TMC7: variants seen among roughly 807,000 people sequenced by gnomAD.
TMC7 encodes transmembrane channel-like protein 7.
TMC7 carries 54 observed loss-of-function variants against 82.9 expected under a neutral mutation model. The observed-to-expected ratio is 0.65, with a 90% CI of 0.52 to 0.82. TMC7 has a LOEUF of 0.82. Ranked by LOEUF, TMC7 falls within the 40% of genes least tolerant of loss-of-function variation. The probability of loss-of-function intolerance (pLI) is 0.00; values close to 1 mark genes in which losing one functional copy is unlikely to be tolerated. For synonymous variants in TMC7, 350 were observed against 337.9 expected, an observed-to-expected ratio of 1.04 and a Z score of -0.39; for missense variants, 820 against 901.2, an observed-to-expected ratio of 0.91 and a Z score of 1.15.
At chr16:19,054,344 G>A (rs1254369530) in intron 13 of TMC7, among the ~76,000 whole-genome samples, 1 of 152,054 alleles carries the variant, frequency 6.6e-6, no homozygotes, top group African/African-American at 2.4e-5. Flanking sequence ...GTCTCCCTCA[G>A]GACCTTTGGG....
Position 19,051,703 on chromosome 16 carries a change from C to A in TMC7, c.1758C>A (p.Thr586=), listed in dbSNP as rs1204520722. The change falls in exon 13 of 16, where the codon ACC becomes ACA. Residue 586 remains threonine, a synonymous_variant. Transcript: ENST00000304381. ...FYVKEWSLLY[T]CRPSPRPFRA... is the part of the protein sequence containing the mutation. ...CCTTGTAGTGGAGTCTGCTTTACAC[C>A]TGCAGACCCTCCCCCAGGCCGTTCA... is the stretch of plus-strand genomic sequence containing the variant. The A allele has an allele frequency of 1.2e-6, 2 of 1,613,776 alleles. No individual in the cohort carries two copies. The highest frequency in any genetic ancestry group is 3.3e-5 in the Admixed American group (2 of 59,932).
intron 15 of TMC7, 133 bp downstream of exon 15, chr16:19,059,627 C>T: frequency 1.9e-6 from 3 of 1,582,152 alleles, no homozygotes; most frequent in Non-Finnish European, 2.6e-6. Context: ...AAAACTCTGC[C>T]TTGAGGCCCA....
chr16:19,030,147 C>T, intron 5 of TMC7, 77 bp from the exon 6 acceptor site: 1 of 1,476,072 alleles, frequency 6.8e-7, no homozygotes. Flanking sequence ...ACTTGTGTTC[C>T]TTGAGGCAGG....
At chr16:18,984,746 T>C (rs757229077) in intron 1 of TMC7, among the ~76,000 whole-genome samples, 50 of 152,254 alleles carry the variant, frequency 3.3e-4, no homozygotes, top group Admixed American at 7.9e-4. Context: ...TAATCTTTTG[T>C]ATCGGGTAGA....
chr16:19,031,256 C>G (rs540543401), intron 6 of TMC7, among the ~76,000 whole-genome samples: 55 of 152,240 alleles, frequency 3.6e-4, no homozygotes, highest in African/African-American at 1.2e-3. Context: ...ATTCAGGTTC[C>G]CAGCCGTGAC....
intron 6 of TMC7, among the ~76,000 whole-genome samples, chr16:19,032,789 G>A (rs1005095005): frequency 1.3e-5 from 2 of 152,008 alleles, no homozygotes; most frequent in African/African-American, 4.8e-5. Context: ...CACCACGACT[G>A]GCTTAATTTT....
At position 19,053,378 on chromosome 16, in the gene TMC7, C is replaced by T. The variant is rs191634252; in HGVS notation, c.1871+1562C>T. 2.7e-5 allele frequency among the ~76,000 whole-genome samples: 4 copies of T among 149,828 alleles called. No homozygotes were observed. The East Asian group carries it at 7.8e-4, about 29-fold the overall frequency. On this transcript the variant is annotated intron_variant, in intron 13 of 15. Transcript: ENST00000304381. ...CCCATGTCCATGGACATACTAAACT[C>T]TTCTTTCAAAAATATTTTTAGCTTT... is the stretch of plus-strand genomic sequence containing the variant.
chr16:19,009,258 A>T lies in TMC7; in HGVS notation c.154A>T (p.Arg52Trp). The change falls in exon 2 of 16, where the codon AGG becomes TGG. Residue 52 changes from arginine to tryptophan, a missense_variant. Around this residue, in one of 2 missense-constraint regions of TMC7, gnomAD observed 650 missense variants for 669.9 expected, o/e 0.97. Transcript: ENST00000304381. ...ELPSYRSIAR[R>W]RTTVHSRDKQ... The stretch of plus-strand genomic sequence containing the variant: ...GCCAAGCTACCGGTCCATTGCACGT[A>T]GGAGAACGACTGTCCATTCCCGGGA... The T allele has an allele frequency of 6.2e-7, 1 of 1,614,204 alleles. No individual in the cohort carries two copies. The highest frequency in any genetic ancestry group is 8.5e-7 in the Non-Finnish European group (1 of 1,180,034).
chr16:18,998,177 T>C (rs1389301329), intron 1 of TMC7, among the ~76,000 whole-genome samples: 1 of 152,232 alleles, frequency 6.6e-6, no homozygotes, highest in Non-Finnish European at 1.5e-5. Flanking sequence ...AAACGTTTGC[T>C]GACGTCTGTT....
At chr16:19,028,676 GAC>G (rs1353036899) in intron 5 of TMC7, among the ~76,000 whole-genome samples, 3 of 151,524 alleles carry the variant, frequency 2.0e-5, no homozygotes, top group Non-Finnish European at 2.9e-5. Context: ...ATTATTTTGA[GAC>G]AGAGTCTCGC....
Position 19,040,460 on chromosome 16 carries a change from T to C in TMC7, c.1337+14T>C. 6.2e-7 allele frequency: 1 copy of C among 1,604,918 alleles called. No homozygotes were observed. The highest frequency in any genetic ancestry group is 8.5e-7 in the Non-Finnish European group (1 of 1,177,970). ...GACAATCCTTAGGTAATGCCTAACA[T>C]GAAGATGGCAGGCATGTCAAGCCAG... is the stretch of plus-strand genomic sequence containing the variant. On this transcript the variant is annotated intron_variant, in intron 9 of 15. Transcript: ENST00000304381.
intron 9 of TMC7, among the ~76,000 whole-genome samples, chr16:19,044,230 C>G (rs975037387): frequency 6.6e-6 from 1 of 152,068 alleles, no homozygotes; most frequent in Admixed American, 6.6e-5. Context: ...AGTACAGTGG[C>G]TGAATCTCCG....
chr16:19,036,134 A>G (rs763616411), intron 7 of TMC7, among the ~76,000 whole-genome samples: 3 of 152,028 alleles, frequency 2.0e-5, no homozygotes, highest in Non-Finnish European at 4.4e-5. Context: ...CCTGAGGAGG[A>G]CCTGTCATAA....
chr16:19,040,115 CAAAAAA>C (rs55719597), intron 8 of TMC7, among the ~76,000 whole-genome samples, 168 bp from the exon 9 acceptor site: 2 of 67,102 alleles, frequency 3.0e-5, no homozygotes, highest in African/African-American at 1.3e-4. Flanking sequence ...GACTCCATCT[CAAAAAA>C]AAAAAAAAAA....
At chr16:19,059,587 A>G (rs1472520341) in intron 15 of TMC7, 93 bp downstream of exon 15, 1 of 1,610,228 alleles carries the variant, frequency 6.2e-7, no homozygotes. Flanking sequence ...GAGTGAAATT[A>G]CTGCAGCCTT....
At chr16:19,019,530 A>C (rs1959865685) in intron 3 of TMC7, among the ~76,000 whole-genome samples, 2 of 152,204 alleles carry the variant, frequency 1.3e-5, no homozygotes, top group Admixed American at 1.3e-4. Flanking sequence ...TACCTCAGTT[A>C]ATCTTCAAAG....
intron 9 of TMC7, among the ~76,000 whole-genome samples, chr16:19,043,442 A>G (rs1314188413): frequency 1.4e-5 from 1 of 71,390 alleles, no homozygotes; most frequent in African/African-American, 4.6e-5. Flanking sequence ...AACCATTGTC[A>G]GAGTACAATT....
chr16:19,028,069 G>A (rs542658826), intron 5 of TMC7, among the ~76,000 whole-genome samples: 1 of 152,272 alleles, frequency 6.6e-6, no homozygotes, highest in East Asian at 1.9e-4. Flanking sequence ...CCCAATCCCT[G>A]TATGGACATT....
intron 13 of TMC7, among the ~76,000 whole-genome samples, chr16:19,052,214 G>A (rs1347925499): frequency 6.6e-6 from 1 of 152,150 alleles, no homozygotes; most frequent in East Asian, 1.9e-4. Flanking sequence ...TTACAGGCGT[G>A]ACGCACTGTG....
Sources: allele counts gnomAD v4.1 joint callset (sites outside exome capture counted in the v4.1 genomes callset), GRCh38; gene constraint gnomAD v4.1.1; regional missense constraint gnomAD v4.1.1; transcripts MANE v1.5; gene names NCBI Gene and HGNC (gene_info 2026-07-23, HGNC 2026-07-21).